Variants in CDH10 observed in about 807,000 individuals in gnomAD.
The protein encoded by CDH10 is cadherin-10.
In CDH10, 30 loss-of-function variants were observed where a neutral mutation model predicts 73.1. The observed-to-expected ratio is 0.41, with a 90% confidence interval of 0.31 to 0.56. The LOEUF is 0.56. Ranked by LOEUF, CDH10 falls within the 20% of genes least tolerant of loss-of-function variation. The pLI is 0.27. For synonymous variants in CDH10, 345 were observed against 348.2 expected (o/e 0.99, Z 0.10); for missense variants, 815 against 973.7 (o/e 0.84, Z 2.17).
chr5:24,511,677 G>A (rs1268600090), intron 5 of CDH10, among the ~76,000 whole-genome samples, 163 bp from the exon 6 acceptor site: 2 of 151,396 alleles, frequency 1.3e-5, no homozygotes, highest in African/African-American at 4.9e-5. Context: ...GACAAATGAT[G>A]AATACACATA....
intron 2 of CDH10, among the ~76,000 whole-genome samples, chr5:24,564,131 A>C (rs1034115272): frequency 3.3e-5 from 5 of 152,162 alleles, no homozygotes; most frequent in African/African-American, 1.2e-4. Flanking sequence ...ATATCTCTGT[A>C]ATATGTGTAT....
intron 5 of CDH10, among the ~76,000 whole-genome samples, chr5:24,514,588 T>C (rs778173075): frequency 7.9e-5 from 12 of 152,178 alleles, no homozygotes; most frequent in Admixed American, 1.3e-4. Context: ...AATAAATGAA[T>C]TTATTACTCC....
intron 5 of CDH10, among the ~76,000 whole-genome samples, chr5:24,526,873 T>C (rs185264399): frequency 5.8e-4 from 88 of 151,958 alleles, no homozygotes; most frequent in Non-Finnish European, 3.7e-4. Flanking sequence ...TATCTCATAA[T>C]CTCACCTCTC....
intron 1 of CDH10, among the ~76,000 whole-genome samples, chr5:24,626,830 A>T (rs2112183558): frequency 6.7e-6 from 1 of 148,424 alleles, no homozygotes; most frequent in African/African-American, 2.5e-5. Context: ...AAGTACATAT[A>T]TATAAGTGTA....
chr5:24,587,845 AAAATG>A (rs1291848734), intron 2 of CDH10, among the ~76,000 whole-genome samples: 8 of 152,202 alleles, frequency 5.3e-5, no homozygotes, highest in African/African-American at 1.9e-4. Flanking sequence ...ATACTTTGCT[AAAATG>A]ATATAGTGAG....
At chr5:24,597,657 T>A (rs1746418305) in intron 1 of CDH10, among the ~76,000 whole-genome samples, 1 of 152,086 alleles carries the variant, frequency 6.6e-6, no homozygotes, top group South Asian at 2.1e-4. Context: ...TCACTGGGTC[T>A]CATTTCATTT....
intron 9 of CDH10, among the ~76,000 whole-genome samples, chr5:24,494,680 T>A (rs1376207204): frequency 6.6e-6 from 1 of 152,006 alleles, no homozygotes; most frequent in Admixed American, 6.6e-5. Flanking sequence ...AATAGTGACA[T>A]CTTTACATAT....
rs2111764208 is a variant in CDH10, at chr5:24,511,375, G to A, written c.954C>T (p.Asp318=). The change falls in exon 6 of 12, where the codon GAC becomes GAT. Residue 318 remains aspartate, a synonymous_variant. Transcript: ENST00000264463. The part of the protein sequence containing the change: ...IIDGDGTDMF[D]IVTEKDTQEG... ...CCTGTGTGTCCTTCTCAGTCACGAT[G>A]TCAAACATATCAGTACCGTCACCAT... 1 of 1,612,688 alleles carries A rather than the reference G, an allele frequency of 6.2e-7. No individual in the cohort carries two copies. Among genetic ancestry groups the A allele is most frequent in the South Asian group, 1.1e-5 (1 of 91,048 alleles).
intron 1 of CDH10, among the ~76,000 whole-genome samples, chr5:24,598,967 T>A (rs1380929213): frequency 6.6e-6 from 1 of 152,116 alleles, no homozygotes; most frequent in African/African-American, 2.4e-5. Flanking sequence ...AGAGGATTGT[T>A]GAATGAGGCA....
In CDH10 at chr5:24,487,853, G is replaced by T. The variant is rs1324290206; in HGVS notation, c.2177C>A (p.Thr726Asn). 6.8e-6 allele frequency: 11 copies of T among 1,613,804 alleles called. No homozygotes were observed. Among genetic ancestry groups the T allele is most frequent in the Non-Finnish European group, 8.5e-6 (10 of 1,179,956 alleles). ...ERLKEHDLDP[T>N]APPYDSLATY... Reference sequence around the variant, plus strand: ...TGCAAGTGAGTCGTAGGGGGGTGCGGTGGGGTCAAGATCATGCTCTTTTAG... The same window carrying T: ...TGCAAGTGAGTCGTAGGGGGGTGCGTTGGGGTCAAGATCATGCTCTTTTAG... The change falls in exon 12 of 12, where the codon ACC becomes AAC. Residue 726 changes from threonine (T) to asparagine (N), a missense_variant. Coordinates refer to ENST00000264463, the MANE Select transcript of CDH10 (RefSeq NM_006727.5).
intron 1 of CDH10, among the ~76,000 whole-genome samples, chr5:24,597,501 T>G (rs1278279059): frequency 6.6e-6 from 1 of 152,108 alleles, no homozygotes; most frequent in Non-Finnish European, 1.5e-5. Context: ...AAAACATTAT[T>G]TCTAAGTACT....
At chr5:24,643,631 T>C (rs1309414412) in intron 1 of CDH10, among the ~76,000 whole-genome samples, 1 of 152,078 alleles carries the variant, frequency 6.6e-6, no homozygotes, top group African/African-American at 2.4e-5. Flanking sequence ...AATGAAGGAA[T>C]GAAGGACCAC....
At chr5:24,620,944 C>T (rs536080906) in intron 1 of CDH10, among the ~76,000 whole-genome samples, 3 of 152,296 alleles carry the variant, frequency 2.0e-5, no homozygotes, top group South Asian at 4.1e-4. Context: ...TCCATCTTAT[C>T]GTCAAGGTCT....
In CDH10 at chr5:24,493,167, T is replaced by C. The variant is rs1742126873; in HGVS notation, c.1516-242A>G. Among the ~76,000 whole-genome samples the C allele has an allele frequency of 2.6e-5, 4 of 151,946 alleles. No individual in the cohort carries two copies. In the South Asian group the frequency reaches 8.3e-4, roughly 31 times the overall value. ...AAAATGGTAAATAAAAAATATATTA[T>C]TTAGGGTTTTATTAATTTAGATATA... On this transcript the variant is annotated intron_variant, in intron 9 of 11. Transcript: ENST00000264463.
chr5:24,589,198 C>A (rs1746121707), intron 2 of CDH10, among the ~76,000 whole-genome samples: 1 of 152,000 alleles, frequency 6.6e-6, no homozygotes, highest in African/African-American at 2.4e-5. Context: ...GTGTTTGGAG[C>A]CGACAAGTCT....
intron 5 of CDH10, among the ~76,000 whole-genome samples, chr5:24,522,943 G>A (rs78561520): frequency 0.016 from 2,506 of 152,242 alleles, 22 homozygotes; most frequent in Admixed American, 0.032. Context: ...TACATTTAGT[G>A]CTGTAGTGAG....
intron 2 of CDH10, among the ~76,000 whole-genome samples, chr5:24,570,058 G>C (rs949793303): frequency 3.9e-5 from 6 of 151,994 alleles, no homozygotes; most frequent in African/African-American, 1.4e-4. Context: ...GAGCCACTGC[G>C]CCCGGCCAAC....
intron 2 of CDH10, among the ~76,000 whole-genome samples, chr5:24,559,315 T>C (rs1744873468): frequency 6.6e-6 from 1 of 151,998 alleles, no homozygotes; most frequent in Admixed American, 6.6e-5. Context: ...TGGAATTTAC[T>C]GCTTGGTTCT....
intron 2 of CDH10, among the ~76,000 whole-genome samples, chr5:24,549,874 G>T (rs766646568): frequency 1.3e-4 from 19 of 151,834 alleles, no homozygotes; most frequent in Non-Finnish European, 2.2e-4. Flanking sequence ...TTAAAGCATT[G>T]ATTAAAAAAA....
Sources: gnomAD v4.1 joint callset for allele counts (sites outside exome capture counted in the v4.1 genomes callset) on GRCh38, gnomAD v4.1.1 for gene constraint, MANE v1.5 for transcripts, NCBI Gene and HGNC (gene_info 2026-07-23, HGNC 2026-07-21) for gene names.